The following PHLDB2 variants were observed in gnomAD, a reference collection of about 807,000 sequenced individuals.
PHLDB2 encodes the protein pleckstrin homology like domain family B member 2.
A neutral mutation model predicts 123.6 loss-of-function variants in PHLDB2; 71 were observed. The observed-to-expected ratio is 0.57, with a 90% CI of 0.47 to 0.70. The LOEUF (loss-of-function observed/expected upper bound fraction) is 0.70. PHLDB2 is among the 30% of genes least tolerant of loss of function. The pLI is 0.00. For synonymous variants in PHLDB2, 547 were observed against 541.6 expected (o/e 1.01, Z -0.14); for missense variants, 1,446 against 1,519.5 (o/e 0.95, Z 0.80).
In PHLDB2 at chr3:111,971,067, C is replaced by T. The variant is rs142582823; in HGVS notation, c.3535+1158C>T. Among the ~76,000 whole-genome samples, 759 of 152,266 alleles carry T rather than the reference C, an allele frequency of 5.0e-3. 6 individuals carry two copies. Among genetic ancestry groups the T allele is most frequent in the African/African-American group, 0.018 (729 of 41,552 alleles). On this transcript the variant is annotated intron_variant, in intron 16 of 17. Transcript: ENST00000431670. ...GAAATTAGTGGCCTGAAGCCGATGG[C>T]CTGCCGGTCCTAGGTCCCCTGCTTT... is the stretch of plus-strand genomic sequence containing the variant.
At chr3:111,971,219 C>G (rs2072155085) in intron 16 of PHLDB2, among the ~76,000 whole-genome samples, 1 of 152,146 alleles carries the variant, frequency 6.6e-6, no homozygotes, top group Non-Finnish European at 1.5e-5. Context: ...TTCAGAAAAC[C>G]TCACCCAGAA....
At chr3:111,851,587 C>T (rs991518827) in intron 2 of PHLDB2, among the ~76,000 whole-genome samples, 1 of 152,136 alleles carries the variant, frequency 6.6e-6, no homozygotes, top group Non-Finnish European at 1.5e-5. Context: ...AAGTAGAGTG[C>T]GGCTTTATTA....
intron 1 of PHLDB2, among the ~76,000 whole-genome samples, chr3:111,843,055 T>C (rs932714171): frequency 6.6e-5 from 10 of 152,230 alleles, no homozygotes; most frequent in Admixed American, 2.0e-4. Flanking sequence ...AACGACACCA[T>C]GAACATTTAC....
intron 12 of PHLDB2, among the ~76,000 whole-genome samples, chr3:111,960,392 A>G (rs2071324936): frequency 6.6e-6 from 1 of 152,230 alleles, no homozygotes; most frequent in African/African-American, 2.4e-5. Flanking sequence ...TATAATTTAT[A>G]ATGGCAGATT....
At chr3:111,749,867 G>C (rs1393123388) in intron 1 of PHLDB2, among the ~76,000 whole-genome samples, 1 of 152,072 alleles carries the variant, frequency 6.6e-6, no homozygotes, top group Admixed American at 6.5e-5. Context: ...TTCAAAGAAG[G>C]CATTTCCATT....
intron 1 of PHLDB2, among the ~76,000 whole-genome samples, chr3:111,755,645 A>C (rs1422181512): frequency 3.6e-5 from 5 of 140,156 alleles, no homozygotes; most frequent in Non-Finnish European, 7.6e-5. Flanking sequence ...TTGTGTCTCT[A>C]TTTCCTTCAG....
chr3:111,940,667 C>G, intron 8 of PHLDB2, 22 bp downstream of exon 8: 1 of 1,418,290 alleles, frequency 7.1e-7, no homozygotes. Context: ...CTTTTCAGCA[C>G]TGGCTACAGT....
At chr3:111,742,795 G>T (rs10934105) in intron 1 of PHLDB2, among the ~76,000 whole-genome samples, 8,653 of 152,176 alleles carry the variant, frequency 0.057, 538 homozygotes, top group East Asian at 0.33. Flanking sequence ...CTTTATAGCA[G>T]CATGATTTAT....
At chr3:111,887,124 C>G (rs1354881121) in intron 2 of PHLDB2, among the ~76,000 whole-genome samples, 2 of 152,138 alleles carry the variant, frequency 1.3e-5, no homozygotes, top group Admixed American at 6.5e-5. Flanking sequence ...TCATGTTCAG[C>G]ATCTCTAAGT....
intron 1 of PHLDB2, among the ~76,000 whole-genome samples, chr3:111,736,130 C>T (rs1167291941): frequency 1.3e-5 from 2 of 152,090 alleles, no homozygotes; most frequent in East Asian, 3.9e-4. Flanking sequence ...AACCACAAAA[C>T]ACACATGCAC....
At chr3:111,774,258 A>C (rs1368577745) in intron 1 of PHLDB2, among the ~76,000 whole-genome samples, 1 of 152,158 alleles carries the variant, frequency 6.6e-6, no homozygotes, top group African/African-American at 2.4e-5. Context: ...TGGGTGATGG[A>C]TGTGCTTCAG....
intron 1 of PHLDB2, among the ~76,000 whole-genome samples, chr3:111,881,240 C>G (rs1283008): frequency 6.6e-6 from 1 of 152,200 alleles, no homozygotes; most frequent in African/African-American, 2.4e-5. Context: ...ACTGTAGCTG[C>G]AGGCCTCAAT....
Position 111,953,922 on chromosome 3 carries a change from T to C in PHLDB2, c.2773-8T>C, listed in dbSNP as rs1209346889. ...CTTGCCTGAAGTACTCCCTCCTGCT[T>C]CCCGCAGGCCCATCTGCCCCTAGGA... is the stretch of plus-strand genomic sequence containing the variant. On this transcript the variant is annotated splice_region_variant and splice_polypyrimidine_tract_variant and intron_variant, in intron 11 of 17. Coordinates refer to ENST00000431670, the MANE Select transcript of PHLDB2 (RefSeq NM_001134438.2). 2 of 1,611,622 alleles carry C rather than the reference T, an allele frequency of 1.2e-6. No individual in the cohort carries two copies. The highest frequency in any genetic ancestry group is 3.3e-5 in the Admixed American group (2 of 59,820).
rs375806776 is a variant in PHLDB2 at position 111,793,641 on chromosome 3, G to A, written c.-48-52180G>A. Among the ~76,000 whole-genome samples, 176 of 152,004 alleles carry A rather than the reference G, an allele frequency of 1.2e-3. 1 individual carries two copies. The highest frequency in any genetic ancestry group is 4.1e-3 in the African/African-American group (172 of 41,490). ...CTGGGTCTCACCTGAAGTCAGCATG[G>A]GACTAGGTCTCATCCAATGCCTGCA... is the stretch of plus-strand genomic sequence containing the variant. On this transcript the variant is annotated intron_variant, in intron 1 of 17. Coordinates refer to the PHLDB2 transcript ENST00000393923.
At chr3:111,819,002 G>T (rs2062233547) in intron 1 of PHLDB2, among the ~76,000 whole-genome samples, 1 of 152,092 alleles carries the variant, frequency 6.6e-6, no homozygotes, top group Non-Finnish European at 1.5e-5. Flanking sequence ...CACAGTTTTG[G>T]AGCCTAGAAA....
At chr3:111,972,461 A>C (rs2072264650) in intron 16 of PHLDB2, among the ~76,000 whole-genome samples, 1 of 152,130 alleles carries the variant, frequency 6.6e-6, no homozygotes, top group African/African-American at 2.4e-5. Context: ...CCTAGTAAAA[A>C]ATTCAAAATA....
intron 2 of PHLDB2, among the ~76,000 whole-genome samples, chr3:111,888,576 C>T (rs865874733): frequency 5.3e-5 from 8 of 152,126 alleles, no homozygotes; most frequent in Non-Finnish European, 1.2e-4. Context: ...TTCCAATCAT[C>T]GCAAAGCTCA....
At position 111,917,329 on chromosome 3, in the gene PHLDB2, T is replaced by C. The variant is rs1336463517; in HGVS notation, c.1720-1743T>C. Reference sequence around the variant, plus strand: ...CTTTACTCCCTACTTGCTTATAAAGTTTAGAGTTTTGCAGATTGTTCTGTT... The same window carrying C: ...CTTTACTCCCTACTTGCTTATAAAGCTTAGAGTTTTGCAGATTGTTCTGTT... On this transcript the variant is annotated intron_variant, in intron 3 of 17. Transcript: ENST00000431670. 2.0e-5 allele frequency: 3 copies of C among 152,212 alleles called. No homozygotes were observed. In the East Asian group the frequency reaches 5.8e-4, roughly 29 times the overall value. The allele number at this position is 152,212 out of a possible 1,614,324, so 9.4% of individuals were successfully genotyped here.
intron 2 of PHLDB2, among the ~76,000 whole-genome samples, chr3:111,906,733 T>C (rs541504833): frequency 1.3e-5 from 2 of 152,224 alleles, no homozygotes; most frequent in Non-Finnish European, 2.9e-5. Flanking sequence ...TCAATAGTAA[T>C]CTGCACATAA....
Sources: allele counts gnomAD v4.1 joint callset (sites outside exome capture counted in the v4.1 genomes callset), GRCh38; gene constraint gnomAD v4.1.1; transcripts MANE v1.5; gene names NCBI Gene and HGNC (gene_info 2026-07-23, HGNC 2026-07-21).